The following WWOX variants were observed in gnomAD, a reference collection of about 807,000 sequenced individuals.
WWOX encodes the protein WW domain-containing oxidoreductase.
A neutral mutation model predicts 46.2 loss-of-function variants in WWOX; 69 were observed. The observed-to-expected ratio is 1.49, with a 90% CI of 1.23 to 1.82. The LOEUF is 1.82. Among genes scored for constraint, WWOX ranks in the 40% most tolerant of loss-of-function variants. WWOX has a pLI of 0.00. For missense variants in WWOX, 919 were observed against 542.6 expected (o/e 1.69, Z -6.89); for synonymous variants, 359 against 202.6 (o/e 1.77, Z -6.56).
intron 8 of WWOX, among the ~76,000 whole-genome samples, chr16:78,999,313 A>G (rs137870925): frequency 0.012 from 1,795 of 152,188 alleles, 47 homozygotes; most frequent in South Asian, 0.11. Flanking sequence ...TCTACTAAAA[A>G]TACAAAATTA....
intron 8 of WWOX, among the ~76,000 whole-genome samples, chr16:78,931,024 C>G (rs1004023617): frequency 2.0e-5 from 3 of 152,160 alleles, no homozygotes; most frequent in African/African-American, 4.8e-5. Flanking sequence ...ATCTCCTACA[C>G]CTGATGTGAG....
chr16:78,432,697 G>A lies in WWOX; in HGVS notation c.1001G>A (p.Ser334Asn). 1 of 1,614,202 alleles carries A rather than the reference G, an allele frequency of 6.2e-7. No individual in the cohort carries two copies. Among genetic ancestry groups the A allele is most frequent in the East Asian group, 2.2e-5 (1 of 44,876 alleles). The part of the protein sequence containing the change: ...GNMMYSNIHR[S>N]WWVYTLLFTL... ...ATGATGTACTCCAACATTCATCGCA[G>A]CTGGTGGGTGTACACACTGCTGTTT... Residue 334 changes from serine to asparagine, a missense_variant, in exon 8 of 9, where the codon AGC (serine) becomes AAC (asparagine). Coordinates refer to ENST00000566780, the MANE Select transcript of WWOX (RefSeq NM_016373.4).
intron 8 of WWOX, among the ~76,000 whole-genome samples, chr16:79,043,927 G>C (rs1482729000): frequency 6.6e-6 from 1 of 152,194 alleles, no homozygotes; most frequent in Non-Finnish European, 1.5e-5. Context: ...CATTCACTCT[G>C]CTCGGACCTT....
chr16:78,162,566 A>G (rs113785218), intron 4 of WWOX, among the ~76,000 whole-genome samples: 8 of 152,290 alleles, frequency 5.3e-5, no homozygotes, highest in African/African-American at 1.4e-4. Flanking sequence ...ACATTTATAC[A>G]TATACATGTC....
chr16:79,042,424 T>C (rs7184788), intron 8 of WWOX, among the ~76,000 whole-genome samples: 5,441 of 152,264 alleles, frequency 0.036, 109 homozygotes, highest in Middle Eastern at 0.075. Flanking sequence ...ACAGAGTCTG[T>C]GCTGGAGAGA....
At chr16:78,943,100 A>G (rs1003347909) in intron 8 of WWOX, among the ~76,000 whole-genome samples, 2 of 152,192 alleles carry the variant, frequency 1.3e-5, no homozygotes, top group Non-Finnish European at 2.9e-5. Context: ...AATTGCTATA[A>G]AGTTTTAGCT....
At chr16:78,197,946 A>AT (rs916321097) in intron 5 of WWOX, among the ~76,000 whole-genome samples, 114 of 150,588 alleles carry the variant, frequency 7.6e-4, no homozygotes, top group African/African-American at 1.9e-3. Context: ...TTTTTCTTTT[A>AT]TTTTTTTTTT....
chr16:79,089,601 A>AT (rs952309963), intron 8 of WWOX, among the ~76,000 whole-genome samples: 2 of 152,172 alleles, frequency 1.3e-5, no homozygotes, highest in African/African-American at 2.4e-5. Flanking sequence ...ACGTGCTGGG[A>AT]TTACAGGCAT....
At chr16:78,536,867 G>C (rs942955480) in intron 8 of WWOX, among the ~76,000 whole-genome samples, 13 of 148,868 alleles carry the variant, frequency 8.7e-5, no homozygotes, top group African/African-American at 2.5e-4. Flanking sequence ...GTCGTTTATT[G>C]AGTACTTAGT....
At chr16:78,394,653 G>C (rs745414690) in intron 6 of WWOX, among the ~76,000 whole-genome samples, 13 of 152,226 alleles carry the variant, frequency 8.5e-5, no homozygotes, top group Non-Finnish European at 1.5e-4. Flanking sequence ...GAATATTTGA[G>C]AATTTTCAGA....
chr16:78,743,026 C>T (rs2049268027), intron 8 of WWOX, among the ~76,000 whole-genome samples: 1 of 142,832 alleles, frequency 7.0e-6, no homozygotes, highest in South Asian at 2.1e-4. Context: ...ACCCTTACTG[C>T]AGCCGGGAGG....
intron 5 of WWOX, among the ~76,000 whole-genome samples, chr16:78,320,015 T>A (rs927833157): frequency 6.6e-6 from 1 of 152,242 alleles, no homozygotes; most frequent in African/African-American, 2.4e-5. Context: ...ACTTTATTTC[T>A]TAGCACTTAT....
At chr16:78,803,534 C>G (rs12443655) in intron 8 of WWOX, among the ~76,000 whole-genome samples, 22,203 of 152,164 alleles carry the variant, frequency 0.15, 1,794 homozygotes, top group Non-Finnish European at 0.18. Context: ...GCAGCATTGA[C>G]CTTGTGGGCT....
intron 6 of WWOX, among the ~76,000 whole-genome samples, chr16:78,397,829 A>C (rs1332967049): frequency 6.6e-6 from 1 of 152,218 alleles, no homozygotes; most frequent in East Asian, 1.9e-4. Flanking sequence ...CTGGCCTTTC[A>C]GCCAATTTTC....
At chr16:78,762,998 T>C (rs13338295) in intron 8 of WWOX, among the ~76,000 whole-genome samples, 16,977 of 152,114 alleles carry the variant, frequency 0.11, 1,151 homozygotes, top group African/African-American at 0.18. Context: ...AGATGAGCAA[T>C]AGATCTCCAT....
At chr16:78,651,037 C>T (rs1040355695) in intron 8 of WWOX, among the ~76,000 whole-genome samples, 1 of 152,190 alleles carries the variant, frequency 6.6e-6, no homozygotes, top group Admixed American at 6.5e-5. Flanking sequence ...ATTGATAGCT[C>T]CTTGACTGCT....
At chr16:78,135,804 G>T (rs571387763) in intron 4 of WWOX, among the ~76,000 whole-genome samples, 150 of 152,276 alleles carry the variant, frequency 9.9e-4, no homozygotes, top group Middle Eastern at 3.4e-3. Context: ...TTACTTGTCA[G>T]TCCTTTTGGG....
chr16:78,402,999 A>C (rs2082448716), intron 6 of WWOX, among the ~76,000 whole-genome samples: 1 of 152,148 alleles, frequency 6.6e-6, no homozygotes, highest in African/African-American at 2.4e-5. Flanking sequence ...GAGTACATTA[A>C]TTTTTATCAT....
chr16:78,721,233 C>G (rs190116728), intron 8 of WWOX, among the ~76,000 whole-genome samples: 1 of 126,068 alleles, frequency 7.9e-6, no homozygotes, highest in African/African-American at 3.5e-5. Context: ...TGATATGCCC[C>G]ATGTCTAAGA....
Sources: gnomAD v4.1 joint callset for allele counts (sites outside exome capture counted in the v4.1 genomes callset) on GRCh38, gnomAD v4.1.1 for gene constraint, MANE v1.5 for transcripts, NCBI Gene and HGNC (gene_info 2026-07-23, HGNC 2026-07-21) for gene names.